The following NOBOX variants were observed in gnomAD, a reference collection of about 807,000 sequenced individuals.
The protein encoded by NOBOX is homeobox protein NOBOX.
Under a neutral mutation model 60.2 loss-of-function variants are expected in NOBOX, and 46 were observed. The observed-to-expected ratio is 0.76, with a 90% CI of 0.60 to 0.98. The LOEUF (loss-of-function observed/expected upper bound fraction) is 0.98, where lower values mean the gene tolerates loss of function less well. Among genes scored for constraint, NOBOX ranks in the 50% least tolerant of loss-of-function variants. The pLI is 0.00. For synonymous variants in NOBOX, 360 were observed against 346.3 expected (o/e 1.04, Z -0.44); for missense variants, 880 against 865.5 (o/e 1.02, Z -0.21).
chr7:144,398,627 G>A, intron 8 of NOBOX, 41 bp from the exon 7 acceptor site: 2 of 1,405,992 alleles, frequency 1.4e-6, no homozygotes, highest in South Asian at 1.2e-5. Flanking sequence ...GCAGGGGTGG[G>A]GGAGCTCCCC....
chr7:144,403,788 G>A (rs1415639453), intron 2 of NOBOX, 95 bp from the exon 1 acceptor site: 12 of 501,618 alleles, frequency 2.4e-5, no homozygotes, highest in Non-Finnish European at 3.5e-5. Flanking sequence ...CGCACGGGCC[G>A]GGCCGGGCCG....
chr7:144,403,487 A>AG (rs910886846), intron 2 of NOBOX, among the ~76,000 whole-genome samples, 170 bp downstream of exon 1: 3 of 151,776 alleles, frequency 2.0e-5, no homozygotes, highest in African/African-American at 7.3e-5. Context: ...CCCAAAGCAC[A>AG]GGGGGCAGTG....
In NOBOX at chr7:144,399,330, T is replaced by C. The variant is rs1012313441; in HGVS notation, c.1240+67A>G. On this transcript the variant is annotated intron_variant, in intron 7 of 9. Coordinates refer to ENST00000467773, the MANE Select transcript of NOBOX (RefSeq NM_001080413.3). ...AGGACTCCAGTCACTCCCACCTCCA[T>C]CAAACAAGGCCTGTCTTCACTATCT... The C allele has an allele frequency of 2.7e-5, 34 of 1,241,636 alleles. No homozygotes were observed. In the African/African-American group the frequency reaches 5.1e-4, roughly 19 times the overall value. 76.9% of individuals were successfully genotyped at this position (1,241,636 alleles called of 1,614,324 possible).
intron 2 of NOBOX, among the ~76,000 whole-genome samples, chr7:144,404,296 T>G (rs1385545356): frequency 1.3e-5 from 2 of 152,222 alleles, no homozygotes; most frequent in Non-Finnish European, 2.9e-5. Context: ...TCGCCCAGGC[T>G]GGAGTGCAGT....
intron 2 of NOBOX, chr7:144,402,038 G>A (rs963769392): frequency 3.1e-5 from 29 of 944,858 alleles, no homozygotes; most frequent in Non-Finnish European, 4.6e-5. Context: ...CTGCACAACA[G>A]GCATTATTGC....
rs374515403 is a variant in NOBOX at position 144,399,143 on chromosome 7, C to T, written c.1276G>A (p.Ala426Thr). Residue 426 changes from alanine to threonine, a missense_variant, in exon 8 of 10, where the codon GCC (alanine) becomes ACC (threonine). Coordinates refer to ENST00000467773, the MANE Select transcript of NOBOX (RefSeq NM_001080413.3). ...GCACCCTCACTGGGTTGGGTGGGGG[C>T]CAAAGTCTGGTCAGAAGTCAGCAGC... The T allele has an allele frequency of 5.1e-6, 8 of 1,567,936 alleles. No homozygotes were observed. The African/African-American group carries it at 1.1e-4, about 21-fold the overall frequency.
In NOBOX at chr7:144,401,538, C is replaced by T. The variant is rs763398865; in HGVS notation, c.352G>A (p.Gly118Ser). 1 of 1,515,904 alleles carries T rather than the reference C, an allele frequency of 6.6e-7. No individual in the cohort carries two copies. The allele number at this position is 1,515,904 out of a possible 1,614,324, so 93.9% of individuals were successfully genotyped here. A position where few individuals can be genotyped will look rare whatever the true frequency, so the allele number is the denominator to read the frequency against. Reference sequence around the variant, plus strand: ...GTGTCCTGAGCATGAGGGGCTGAGCCCCGGAGCAGTTCCTCCTCCCCGGGT... The same window carrying T: ...GTGTCCTGAGCATGAGGGGCTGAGCTCCGGAGCAGTTCCTCCTCCCCGGGT... Residue 118 changes from glycine to serine, a missense_variant, in exon 4 of 10, where the codon GGC (glycine) becomes AGC (serine). Transcript: ENST00000467773. This position sits in a 1 kb window ranked among gnomAD's most constrained non-coding sequence, Gnocchi z 4.2.
Position 144,401,828 on chromosome 7 carries a change from C to A in NOBOX, c.292+41G>T, listed in dbSNP as rs150513249. ...TAGACAAATTTATGCAATTCTGAGA[C>A]GGCGTTAGCTCATGGTATCTCCTAA... On this transcript the variant is annotated intron_variant, in intron 3 of 9. Transcript: ENST00000467773. This position sits in a 1 kb window ranked among gnomAD's most constrained non-coding sequence, Gnocchi z 4.2. The A allele has an allele frequency of 2.4e-5, 33 of 1,357,478 alleles. No individual in the cohort carries two copies. Among genetic ancestry groups the A allele is most frequent in the Non-Finnish European group, 3.3e-5 (32 of 958,804 alleles). The allele number at this position is 1,357,478 out of a possible 1,614,324, so 84.1% of individuals were successfully genotyped here.
intron 7 of NOBOX, 105 bp from the exon 6 acceptor site, chr7:144,399,283 G>T: frequency 1.0e-6 from 1 of 962,704 alleles, no homozygotes. Context: ...CCCTGAATAG[G>T]CCCTGCTGGC....
rs1302190660 is a variant in NOBOX at position 144,398,974 on chromosome 7, C to T, written c.1445G>A (p.Gly482Asp). 4 of 1,568,004 alleles carry T rather than the reference C, an allele frequency of 2.6e-6. No individual in the cohort carries two copies. The African/African-American group carries it at 5.4e-5, about 21-fold the overall frequency. The change falls in exon 8 of 10, where the codon GGC (glycine) becomes GAC (aspartate). Residue 482 changes from glycine to aspartate, a missense_variant. By Grantham distance (94) the Gly-to-Asp change is moderately conservative (BLOSUM62 -1). Coordinates refer to ENST00000467773, the MANE Select transcript of NOBOX (RefSeq NM_001080413.3). ...CCTTGTCCCCCAGGACCCACAGGGG[C>T]CGTCCTTGTGGCTGCTGTCACTGCC...
At position 144,398,397 on chromosome 7, in the gene NOBOX, C is replaced by A. The variant is rs991408724; in HGVS notation, c.1659G>T (p.Pro553=). The stretch of plus-strand genomic sequence containing the variant: ...GAAACATAAAGAGAGAGTCTTCGGG[C>A]GGTGGAAGCGTCAGTGAACTGGGCA... Residue 553 remains proline, a synonymous_variant, in exon 9 of 10, where the codon CCG becomes CCT. Transcript: ENST00000467773. The A allele has an allele frequency of 1.3e-6, 2 of 1,537,074 alleles. No individual in the cohort carries two copies. The highest frequency in any genetic ancestry group is 2.4e-5 in the South Asian group (2 of 84,030).
chr7:144,407,727 G>A (rs1305785498), intron 1 of NOBOX, among the ~76,000 whole-genome samples: 1 of 152,244 alleles, frequency 6.6e-6, no homozygotes, highest in South Asian at 2.1e-4. Flanking sequence ...CCTGTGAAGG[G>A]AATTAGGAAC....
intron 4 of NOBOX, 143 bp downstream of exon 2, chr7:144,400,903 G>T (rs552650977): frequency 3.4e-6 from 2 of 588,768 alleles, no homozygotes; most frequent in African/African-American, 1.9e-5. Context: ...TTGCACTACC[G>T]CGGCCCAAGA....
At chr7:144,407,950 A>T (rs901042997) in intron 1 of NOBOX, among the ~76,000 whole-genome samples, 2 of 152,202 alleles carry the variant, frequency 1.3e-5, no homozygotes. Flanking sequence ...TTTCACATCC[A>T]TTCTAATTCT....
chr7:144,399,977 C>A, intron 5 of NOBOX, 114 bp from the exon 4 acceptor site: 3 of 1,272,884 alleles, frequency 2.4e-6, no homozygotes, highest in South Asian at 2.7e-5. Flanking sequence ...CAGCACTCTG[C>A]TTCTGAGCCC....
Position 144,399,761 on chromosome 7 carries a change from A to C in NOBOX, c.1150T>G (p.Cys384Gly), listed in dbSNP as rs773160807. 4.2e-5 allele frequency: 67 copies of C among 1,609,648 alleles called. No individual in the cohort carries two copies. The South Asian group carries it at 4.3e-4, about 10-fold the overall frequency. ...AGAAAGAGGAAGAATTCTGACCTGC[A>C]TTGACTGCTGGCAGGGCCAGGGGCT... The change falls in exon 6 of 10, where the codon TGC (cysteine) becomes GGC (glycine). Residue 384 changes from cysteine to glycine, a missense_variant. Cys to Gly is a radical substitution (Grantham distance 159). Coordinates refer to ENST00000467773, the MANE Select transcript of NOBOX (RefSeq NM_001080413.3).
Position 144,403,709 on chromosome 7 carries a change from C to G in NOBOX, c.210+847G>C. ...TGGGTTCCATGGCCTGGACTCCCGCCGCCGCGGCCGGCCCGTGATGCACAG... is the reference window on the plus strand; with the variant it reads ...TGGGTTCCATGGCCTGGACTCCCGCGGCCGCGGCCGGCCCGTGATGCACAG... On this transcript the variant is annotated intron_variant, in intron 2 of 9. Transcript: ENST00000467773. 1 of 700,468 alleles carries G rather than the reference C, an allele frequency of 1.4e-6. No individual in the cohort carries two copies. Among genetic ancestry groups the G allele is most frequent in the Non-Finnish European group, 2.6e-6 (1 of 383,714 alleles). The allele number at this position is 700,468 out of a possible 1,614,324, so 43.4% of individuals were successfully genotyped here.
downstream of NOBOX, chr7:144,397,210 G>A (rs1696045759): frequency 2.7e-6 from 4 of 1,503,496 alleles, no homozygotes; most frequent in Non-Finnish European, 3.6e-6. Flanking sequence ...TCCCACCCAA[G>A]CAGCCTCTTT....
In NOBOX at chr7:144,397,407, G is replaced by A; in HGVS notation, c.1909C>T (p.Leu637=). Residue 637 remains leucine (L), a synonymous_variant, in exon 10 of 10, where the codon CTG becomes TTG. Transcript: ENST00000467773. ...AGAGCTGACGAAGGCTGCCTGCCCA[G>A]AGCCTGGGGGCAGGGAGTTGGAAAT... 1 of 1,537,224 alleles carries A rather than the reference G, an allele frequency of 6.5e-7. No individual in the cohort carries two copies. The highest frequency in any genetic ancestry group is 8.7e-7 in the Non-Finnish European group (1 of 1,146,876).
Sources: allele counts gnomAD v4.1 joint callset (sites outside exome capture counted in the v4.1 genomes callset), GRCh38; gene constraint gnomAD v4.1.1; non-coding constraint Gnocchi (gnomAD v3.1); transcripts MANE v1.5; gene names NCBI Gene and HGNC (gene_info 2026-07-23, HGNC 2026-07-21).